CWH43: variants seen among roughly 807,000 people sequenced by gnomAD.
The protein encoded by CWH43 is PGAP2-interacting protein.
A neutral mutation model predicts 85.7 loss-of-function variants in CWH43; 91 were observed. That is an observed-to-expected ratio of 1.06 (90% CI 0.90 to 1.26). The LOEUF (loss-of-function observed/expected upper bound fraction) is 1.26, where lower values mean the gene tolerates loss of function less well. Ranked by LOEUF, CWH43 falls within the 50% of genes most tolerant of loss-of-function variation. CWH43 has a pLI of 0.00. For missense variants in CWH43, 869 were observed against 839.2 expected (o/e 1.04, Z -0.44); for synonymous variants, 323 against 293.6 (o/e 1.10, Z -1.02).
intron 15 of CWH43, among the ~76,000 whole-genome samples, chr4:49,051,410 A>G (rs1784793993): frequency 6.6e-6 from 1 of 152,096 alleles, no homozygotes; most frequent in Non-Finnish European, 1.5e-5. Flanking sequence ...AAAAAATACC[A>G]CTGCCTGGGC....
In CWH43 at chr4:49,030,806, C is replaced by CTTTTTTTTTTT. The variant is rs397881381; in HGVS notation, c.1373-9_1373-8insTTTTTTTTTTT. 1 of 1,403,334 alleles carries CTTTTTTTTTTT rather than the reference C, an allele frequency of 7.1e-7. No homozygotes were observed. The highest frequency in any genetic ancestry group is 1.4e-5 in the South Asian group (1 of 72,242). 86.9% of individuals were successfully genotyped at this position (1,403,334 alleles called of 1,614,324 possible). A position where few individuals can be genotyped will look rare whatever the true frequency, so the allele number is the denominator to read the frequency against. On this transcript the variant is annotated intron_variant, in intron 10 of 15. Transcript: ENST00000226432. ...TGCTGTGATTCATCACTGTATGCTA[C>CTTTTTTTTTTT]TTTTTTTTTTCTGAACAGGTGCAGA...
At chr4:48,987,896 G>A (rs1782542957) in intron 1 of CWH43, among the ~76,000 whole-genome samples, 2 of 152,124 alleles carry the variant, frequency 1.3e-5, no homozygotes, top group African/African-American at 4.8e-5. Context: ...GCTGCTTGCT[G>A]CCCTTTTGGA....
Position 48,986,385 on chromosome 4 carries a change from C to G in CWH43, c.-45C>G. 1.3e-6 allele frequency: 2 copies of G among 1,539,006 alleles called. No homozygotes were observed. Among genetic ancestry groups the G allele is most frequent in the Non-Finnish European group, 8.8e-7 (1 of 1,139,316 alleles). On this transcript the variant is annotated 5_prime_UTR_variant, in exon 1 of 16. Coordinates refer to ENST00000226432, the MANE Select transcript of CWH43 (RefSeq NM_025087.3). Reference sequence around the variant, plus strand: ...GGGCGCAGGGCTAGGGCAGCGGGCCCGACCCGCACGGCTTTCCTGGAAAGC... The same window carrying G: ...GGGCGCAGGGCTAGGGCAGCGGGCCGGACCCGCACGGCTTTCCTGGAAAGC...
chr4:49,018,005 T>A (rs1783615873), intron 9 of CWH43, among the ~76,000 whole-genome samples: 1 of 151,876 alleles, frequency 6.6e-6, no homozygotes, highest in African/African-American at 2.4e-5. Flanking sequence ...CCGGCTAATT[T>A]TTTTTTTTGT....
chr4:49,014,474 A>AAG (rs1217641626), intron 8 of CWH43, among the ~76,000 whole-genome samples: 30 of 151,976 alleles, frequency 2.0e-4, no homozygotes, highest in Middle Eastern at 3.4e-3. Context: ...AAAAAAAAAA[A>AAG]AGAGAGAAGA....
intron 12 of CWH43, among the ~76,000 whole-genome samples, chr4:49,037,019 C>T (rs1784281632): frequency 6.6e-6 from 1 of 152,274 alleles, no homozygotes; most frequent in Non-Finnish European, 1.5e-5. Context: ...TCTCTGATTG[C>T]CTCATTGACT....
At chr4:49,007,461 T>C (rs1783196528) in intron 8 of CWH43, 135 bp downstream of exon 8, 1 of 1,097,010 alleles carries the variant, frequency 9.1e-7, no homozygotes, top group Non-Finnish European at 1.2e-6. Context: ...ATGTTGTTAA[T>C]AGCTATCTTC....
intron 5 of CWH43, 55 bp downstream of exon 5, chr4:48,994,875 A>G: frequency 7.2e-7 from 1 of 1,385,082 alleles, no homozygotes; most frequent in South Asian, 1.2e-5. Context: ...TGGAGGAAGC[A>G]ATGCCTCCTT....
At chr4:49,050,552 A>G (rs1784760521) in intron 14 of CWH43, 142 bp from the exon 15 acceptor site, 2 of 533,294 alleles carry the variant, frequency 3.8e-6, no homozygotes, top group Admixed American at 7.2e-5. Context: ...TAGATTAACA[A>G]TTTAAGTTAA....
intron 15 of CWH43, among the ~76,000 whole-genome samples, chr4:49,057,746 A>G (rs1230953077): frequency 6.6e-6 from 1 of 152,148 alleles, no homozygotes; most frequent in East Asian, 1.9e-4. Flanking sequence ...ATTGCTGTCT[A>G]GTTCTCCCTT....
At chr4:49,014,682 A>G (rs1176187940) in intron 8 of CWH43, among the ~76,000 whole-genome samples, 1 of 151,938 alleles carries the variant, frequency 6.6e-6, no homozygotes, top group Non-Finnish European at 1.5e-5. Context: ...GTTTATTTAC[A>G]GTTATTTAGT....
intron 13 of CWH43, among the ~76,000 whole-genome samples, chr4:49,044,335 A>AC (rs1784555318): frequency 6.6e-6 from 1 of 152,210 alleles, no homozygotes; most frequent in Non-Finnish European, 1.5e-5. Flanking sequence ...CAGGTTGGAC[A>AC]AAAGTGATTA....
intron 9 of CWH43, among the ~76,000 whole-genome samples, chr4:49,021,681 G>A (rs1783754992): frequency 6.6e-6 from 1 of 152,134 alleles, no homozygotes; most frequent in South Asian, 2.1e-4. Context: ...CCATCCATGA[G>A]CATGGATATG....
intron 15 of CWH43, among the ~76,000 whole-genome samples, chr4:49,058,886 C>G (rs905881172): frequency 4.6e-5 from 7 of 152,082 alleles, no homozygotes; most frequent in African/African-American, 1.7e-4. Context: ...TTGTTGCCTG[C>G]AAAATTTTCT....
chr4:49,046,469 A>G (rs897388227), intron 14 of CWH43, among the ~76,000 whole-genome samples: 44 of 152,292 alleles, frequency 2.9e-4, no homozygotes, highest in African/African-American at 1.0e-3. Flanking sequence ...GAAACATAAA[A>G]TAAGCAGATA....
chr4:49,008,202 T>A (rs1308128900), intron 8 of CWH43, among the ~76,000 whole-genome samples: 1 of 152,248 alleles, frequency 6.6e-6, no homozygotes, highest in East Asian at 1.9e-4. Flanking sequence ...TGGTTTTGAT[T>A]TGCATTTCTC....
At chr4:49,001,906 A>T (rs1783004411) in intron 6 of CWH43, among the ~76,000 whole-genome samples, 1 of 152,180 alleles carries the variant, frequency 6.6e-6, no homozygotes, top group African/African-American at 2.4e-5. Flanking sequence ...TAACAGTCAA[A>T]TAAGTGCAAT....
At chr4:49,026,560 C>T (rs1783923952) in intron 9 of CWH43, among the ~76,000 whole-genome samples, 1 of 144,028 alleles carries the variant, frequency 6.9e-6, no homozygotes, top group South Asian at 2.5e-4. Flanking sequence ...CCCTCCAAGT[C>T]CCCAAAGTTC....
At chr4:48,988,371 TGAA>T in intron 1 of CWH43, 103 bp from the exon 2 acceptor site, 1 of 777,990 alleles carries the variant, frequency 1.3e-6, no homozygotes, top group Non-Finnish European at 2.0e-6. Flanking sequence ...GCCAGAGTCA[TGAA>T]GAAGAATGAC....
Sources: allele counts gnomAD v4.1 joint callset (sites outside exome capture counted in the v4.1 genomes callset), GRCh38; gene constraint gnomAD v4.1.1; transcripts MANE v1.5; gene names NCBI Gene and HGNC (gene_info 2026-07-23, HGNC 2026-07-21).